Variants in CNTNAP2 observed in about 807,000 individuals in gnomAD.
CNTNAP2 encodes contactin-associated protein-like 2.
CNTNAP2 carries 98 observed loss-of-function variants against 155.2 expected under a neutral mutation model. That is an observed-to-expected ratio of 0.63 (90% confidence interval 0.54 to 0.75). The LOEUF (loss-of-function observed/expected upper bound fraction) is 0.75. Ranked by LOEUF, CNTNAP2 falls within the 30% of genes least tolerant of loss-of-function variation. The pLI, the probability that CNTNAP2 is intolerant of heterozygous loss-of-function variation, is 0.00. For missense variants in CNTNAP2, 1,727 were observed against 1,688.1 expected, an observed-to-expected ratio of 1.02 and a Z score of -0.40; for synonymous variants, 651 against 631.2, an observed-to-expected ratio of 1.03 and a Z score of -0.47.
intron 9 of CNTNAP2, among the ~76,000 whole-genome samples, chr7:147,354,908 G>T (rs947444105): frequency 6.6e-6 from 1 of 152,044 alleles, no homozygotes; most frequent in African/African-American, 2.4e-5. Context: ...ATTGTGAATG[G>T]GAGTTTGCTC....
chr7:147,402,966 A>AG (rs1796943311), intron 10 of CNTNAP2, among the ~76,000 whole-genome samples: 1 of 147,978 alleles, frequency 6.8e-6, no homozygotes, highest in African/African-American at 2.5e-5. Flanking sequence ...AAAAAAAAAA[A>AG]AAAAACTAGT....
intron 9 of CNTNAP2, among the ~76,000 whole-genome samples, chr7:147,329,350 T>C (rs904024155): frequency 6.6e-6 from 1 of 152,014 alleles, no homozygotes; most frequent in Non-Finnish European, 1.5e-5. Context: ...AAAATTGATA[T>C]ACACAGTATT....
intron 10 of CNTNAP2, among the ~76,000 whole-genome samples, chr7:147,459,664 T>C (rs1336835040): frequency 6.6e-6 from 1 of 152,146 alleles, no homozygotes; most frequent in Non-Finnish European, 1.5e-5. Flanking sequence ...AGCCAAGGAA[T>C]GCAGACTGCC....
chr7:148,096,948 T>C (rs1327505421), intron 15 of CNTNAP2, among the ~76,000 whole-genome samples: 1 of 152,178 alleles, frequency 6.6e-6, no homozygotes, highest in African/African-American at 2.4e-5. Flanking sequence ...GTCTGGTTAG[T>C]GCCTGACCTT....
chr7:147,458,686 C>T (rs1452505767), intron 10 of CNTNAP2, among the ~76,000 whole-genome samples: 3 of 152,148 alleles, frequency 2.0e-5, no homozygotes, highest in Non-Finnish European at 2.9e-5. Context: ...AGAGAATGAG[C>T]TTATAATATT....
intron 12 of CNTNAP2, among the ~76,000 whole-genome samples, chr7:147,594,272 C>T (rs755518269): frequency 2.9e-4 from 44 of 151,886 alleles, no homozygotes; most frequent in Non-Finnish European, 5.4e-4. Context: ...ACCACAGGCG[C>T]GCACCACCAT....
Position 147,532,207 on chromosome 7 carries a change from C to T in CNTNAP2, c.1778-29931C>T, listed in dbSNP as rs534410118. Reference sequence around the variant, plus strand: ...AATGCCTTTAACAGTACCTAAGTTACCTCTTGAATGTTTTGCTGCTTAGAA... The same window carrying T: ...AATGCCTTTAACAGTACCTAAGTTATCTCTTGAATGTTTTGCTGCTTAGAA... On this transcript the variant is annotated intron_variant, in intron 11 of 23. Coordinates refer to ENST00000361727, the MANE Select transcript of CNTNAP2 (RefSeq NM_014141.6). Among the ~76,000 whole-genome samples the T allele has an allele frequency of 9.9e-5, 15 of 152,276 alleles. No individual in the cohort carries two copies. The South Asian group carries it at 2.5e-3, about 25-fold the overall frequency.
chr7:147,847,670 G>A (rs1249584336), intron 13 of CNTNAP2, among the ~76,000 whole-genome samples: 121 of 41,954 alleles, frequency 2.9e-3, no homozygotes, highest in Admixed American at 3.3e-3. Flanking sequence ...GAGGAGAGGC[G>A]CTCTGCATTT....
chr7:146,700,745 A>G (rs1054005316), intron 1 of CNTNAP2, among the ~76,000 whole-genome samples: 1 of 152,162 alleles, frequency 6.6e-6, no homozygotes, highest in African/African-American at 2.4e-5. Flanking sequence ...TTTATTTCAA[A>G]ATGTCCTTAG....
At position 147,121,099 on chromosome 7, in the gene CNTNAP2, T is replaced by G; in HGVS notation, c.875T>G (p.Leu292Arg). ...CAGGGGCGGAGCATTAACCTCACTC[T>G]GGACAGGAGCATGCAGCACTTCCGT... Reference protein sequence around the residue: ...ERQGRSINLTLDRSMQHFRTN... With the variant: ...ERQGRSINLTRDRSMQHFRTN... The change falls in exon 6 of 24, where the codon CTG becomes CGG. Residue 292 changes from leucine (L) to arginine (R), a missense_variant. Coordinates refer to ENST00000361727, the MANE Select transcript of CNTNAP2 (RefSeq NM_014141.6). The G allele has an allele frequency of 6.2e-7, 1 of 1,614,194 alleles. No homozygotes were observed. Among genetic ancestry groups the G allele is most frequent in the Non-Finnish European group, 8.5e-7 (1 of 1,180,032 alleles).
chr7:147,479,032 A>G (rs948476980), intron 10 of CNTNAP2, among the ~76,000 whole-genome samples: 23 of 152,226 alleles, frequency 1.5e-4, no homozygotes, highest in African/African-American at 5.3e-4. Context: ...ATGGGCATCC[A>G]CAACTGTCTG....
chr7:146,736,939 A>C (rs2129180415), intron 1 of CNTNAP2, among the ~76,000 whole-genome samples: 1 of 152,260 alleles, frequency 6.6e-6, no homozygotes, highest in Middle Eastern at 3.4e-3. Flanking sequence ...ATATATATAT[A>C]AACTTTTATT....
chr7:147,207,681 A>T (rs1172674294), intron 8 of CNTNAP2, among the ~76,000 whole-genome samples: 9 of 152,130 alleles, frequency 5.9e-5, no homozygotes, highest in Non-Finnish European at 8.8e-5. Flanking sequence ...GCTTAATGTA[A>T]CATTAAGAGC....
chr7:147,380,322 G>A (rs551141803), intron 9 of CNTNAP2, among the ~76,000 whole-genome samples: 1 of 152,010 alleles, frequency 6.6e-6, no homozygotes, highest in Admixed American at 6.6e-5. Flanking sequence ...AGGTGCTCTT[G>A]TAGCATTCTG....
At chr7:146,755,329 G>C (rs1231349934) in intron 1 of CNTNAP2, among the ~76,000 whole-genome samples, 1 of 152,024 alleles carries the variant, frequency 6.6e-6, no homozygotes, top group Non-Finnish European at 1.5e-5. Flanking sequence ...AAAAGTGTAT[G>C]TGTGAATATA....
At chr7:147,114,623 C>T (rs1166222317) in intron 5 of CNTNAP2, among the ~76,000 whole-genome samples, 1 of 152,066 alleles carries the variant, frequency 6.6e-6, no homozygotes, top group Non-Finnish European at 1.5e-5. Context: ...TCAGAAACTA[C>T]AATTGCAACC....
intron 1 of CNTNAP2, among the ~76,000 whole-genome samples, chr7:146,357,267 TA>T: frequency 8.9e-6 from 1 of 112,714 alleles, no homozygotes; most frequent in East Asian, 2.7e-4. Flanking sequence ...CGAAACAAAA[TA>T]AAACATACCC....
chr7:146,342,608 A>C (rs987462894), intron 1 of CNTNAP2, among the ~76,000 whole-genome samples: 2 of 152,224 alleles, frequency 1.3e-5, no homozygotes, highest in Admixed American at 6.5e-5. Context: ...GATATTAAAA[A>C]GCATATCATT....
At chr7:148,301,337 A>G (rs1797389324) in intron 21 of CNTNAP2, among the ~76,000 whole-genome samples, 1 of 140,024 alleles carries the variant, frequency 7.1e-6, no homozygotes, top group African/African-American at 2.7e-5. Context: ...TAAAATGTCC[A>G]TTTTATGTTA....
Sources: gnomAD v4.1 joint callset for allele counts (sites outside exome capture counted in the v4.1 genomes callset) on GRCh38, gnomAD v4.1.1 for gene constraint, MANE v1.5 for transcripts, NCBI Gene and HGNC (gene_info 2026-07-23, HGNC 2026-07-21) for gene names.